Variants in NRDC observed in about 807,000 individuals in gnomAD.
The protein encoded by NRDC is nardilysin convertase.
A neutral mutation model predicts 147.1 loss-of-function variants in NRDC; 54 were observed. That is an observed-to-expected ratio of 0.37 (90% CI 0.29 to 0.46). NRDC has a LOEUF of 0.46. Ranked by LOEUF, NRDC falls within the 20% of genes least tolerant of loss-of-function variation. NRDC has a pLI of 1.00. For synonymous variants in NRDC, 440 were observed against 482.1 expected, an observed-to-expected ratio of 0.91 and a Z score of 1.14; for missense variants, 1,082 against 1,370.6, an observed-to-expected ratio of 0.79 and a Z score of 3.33.
At chr1:51,847,058 G>T (rs1188429229) in intron 1 of NRDC, among the ~76,000 whole-genome samples, 3 of 152,012 alleles carry the variant, frequency 2.0e-5, no homozygotes, top group South Asian at 4.1e-4. Flanking sequence ...CAATCCTTTA[G>T]CTAGACATAA....
chr1:51,800,606 C>T lies in NRDC; in HGVS notation c.2391G>A (p.Gln797=). The T allele has an allele frequency of 1.2e-6, 2 of 1,614,078 alleles. No individual in the cohort carries two copies. The highest frequency in any genetic ancestry group is 1.7e-6 in the Non-Finnish European group (2 of 1,179,946). ...GGATGTTAAAGTAGGTCTTCTTCAA[C>T]TGCTCAGTTATCATTGTAAAGACAG... is the stretch of plus-strand genomic sequence containing the variant. ...TPAVFTMITE[Q]LKKTYFNILI... The change falls in exon 21 of 31, where the codon CAG becomes CAA. Residue 797 remains glutamine (Q), a synonymous_variant. Coordinates refer to ENST00000352171, the MANE Select transcript of NRDC (RefSeq NM_001101662.2).
chr1:51,796,345 T>C (rs1571839696), intron 22 of NRDC, among the ~76,000 whole-genome samples: 1 of 151,858 alleles, frequency 6.6e-6, no homozygotes, highest in African/African-American at 2.4e-5. Flanking sequence ...CTCAAGTGAT[T>C]CTTCTGCCTC....
intron 1 of NRDC, among the ~76,000 whole-genome samples, chr1:51,875,476 G>A (rs928468121): frequency 3.3e-5 from 5 of 152,148 alleles, no homozygotes; most frequent in East Asian, 3.8e-4. Context: ...TTTCTCCCCC[G>A]GTGGAATTTA....
At chr1:51,835,045 C>T (rs1322833639) in intron 3 of NRDC, among the ~76,000 whole-genome samples, 1 of 151,928 alleles carries the variant, frequency 6.6e-6, no homozygotes, top group African/African-American at 2.4e-5. Flanking sequence ...TATATAACAT[C>T]CACATAGAGT....
chr1:51,854,135 C>T (rs1682121152), intron 1 of NRDC, among the ~76,000 whole-genome samples: 1 of 152,040 alleles, frequency 6.6e-6, no homozygotes, highest in Non-Finnish European at 1.5e-5. Context: ...TTTGGGAGGC[C>T]GAGGCGGGTG....
At chr1:51,865,651 G>A (rs113035005) in intron 1 of NRDC, among the ~76,000 whole-genome samples, 2,322 of 152,074 alleles carry the variant, frequency 0.015, 64 homozygotes, top group African/African-American at 0.053. Flanking sequence ...TGAATTCAGT[G>A]GTATTCACAA....
intron 1 of NRDC, among the ~76,000 whole-genome samples, chr1:51,851,651 T>G (rs918382994): frequency 6.6e-6 from 1 of 152,170 alleles, no homozygotes; most frequent in East Asian, 1.9e-4. Flanking sequence ...ACTGGACCCC[T>G]AAATTTTAAA....
intron 4 of NRDC, among the ~76,000 whole-genome samples, chr1:51,830,227 T>A (rs1433680407): frequency 6.6e-6 from 1 of 152,164 alleles, no homozygotes; most frequent in Admixed American, 6.5e-5. Flanking sequence ...CCTCCCAAAG[T>A]GCTGAGATTA....
chr1:51,878,429 G>C lies in NRDC; in HGVS notation c.187C>G (p.Pro63Ala). 3.7e-6 allele frequency: 6 copies of C among 1,614,050 alleles called. No homozygotes were observed. The highest frequency in any genetic ancestry group is 3.4e-6 in the Non-Finnish European group (4 of 1,180,036). ...TCCTGTCCATTGGGCTGCAGGTCAGGGCAGCTGCAGGTAGACTTCGCCTTG... is the reference window on the plus strand; with the variant it reads ...TCCTGTCCATTGGGCTGCAGGTCAGCGCAGCTGCAGGTAGACTTCGCCTTG... Reference protein sequence around the residue: ...RNKAKSTCSCPDLQPNGQDLG... With the variant: ...RNKAKSTCSCADLQPNGQDLG... The change falls in exon 1 of 31, where the codon CCT becomes GCT. Residue 63 changes from proline to alanine, a missense_variant. Transcript: ENST00000352171.
intron 1 of NRDC, among the ~76,000 whole-genome samples, chr1:51,847,715 C>T (rs1230598891): frequency 2.0e-5 from 3 of 152,218 alleles, no homozygotes; most frequent in African/African-American, 4.8e-5. Context: ...CTCACAAGCC[C>T]CTCGTGCAAC....
At chr1:51,819,733 C>T in intron 9 of NRDC, 67 bp downstream of exon 9, 5 of 1,300,476 alleles carry the variant, frequency 3.8e-6, no homozygotes, top group Non-Finnish European at 5.4e-6. Context: ...AAATTGGCAG[C>T]TTCAATTAGG....
chr1:51,794,972 T>C, intron 22 of NRDC, 118 bp from the exon 23 acceptor site: 2 of 1,554,128 alleles, frequency 1.3e-6, no homozygotes, highest in Non-Finnish European at 1.7e-6. Context: ...GGAAAGCAGA[T>C]ATAGTTGGTG....
chr1:51,791,871 C>T (rs1318304770), intron 26 of NRDC, among the ~76,000 whole-genome samples, 175 bp downstream of exon 26: 2 of 152,188 alleles, frequency 1.3e-5, no homozygotes, highest in Admixed American at 6.5e-5. Context: ...CTTGACCAAA[C>T]TGAAAACCTG....
intron 21 of NRDC, chr1:51,798,921 T>C (rs1021629031): frequency 1.3e-5 from 2 of 152,480 alleles, no homozygotes; most frequent in Admixed American, 6.5e-5. Flanking sequence ...ACATCTATGA[T>C]TCAATTTCTT....
rs1327504444 is a variant in NRDC at position 51,814,582 on chromosome 1, T to C, written c.1588A>G (p.Lys530Glu). The C allele has an allele frequency of 5.6e-6, 9 of 1,613,578 alleles. No individual in the cohort carries two copies. Among genetic ancestry groups the C allele is most frequent in the Non-Finnish European group, 7.6e-6 (9 of 1,179,654 alleles). Residue 530 changes from lysine (K) to glutamate (E), a missense_variant, in exon 13 of 31, where the codon AAA becomes GAA. Around this residue, in one of 3 missense-constraint regions of NRDC, gnomAD observed 635 missense variants for 923.8 expected, o/e 0.69. Coordinates refer to ENST00000352171, the MANE Select transcript of NRDC (RefSeq NM_001101662.2). ...EVAYTVFQYLKMLQKLGPEKR... is the reference protein window; with the variant it reads ...EVAYTVFQYLEMLQKLGPEKR... ...TCTGGGCCTAGCTTCTGCAGCATTT[T>C]TAAATACTGAAAGACAGTGTAAGCA...
chr1:51,873,598 C>T (rs1323466306), intron 1 of NRDC, among the ~76,000 whole-genome samples: 1 of 151,668 alleles, frequency 6.6e-6, no homozygotes, highest in African/African-American at 2.4e-5. Context: ...GCAACCTCTG[C>T]CTCCCAAGTT....
chr1:51,843,311 TA>T (rs11326967), intron 1 of NRDC, among the ~76,000 whole-genome samples: 120,321 of 139,510 alleles, frequency 0.86, 51,983 homozygotes, highest in East Asian at 0.94. Context: ...CAAAAAAGGT[TA>T]AAAAAAAAAA....
intron 4 of NRDC, among the ~76,000 whole-genome samples, chr1:51,830,783 C>T (rs780311606): frequency 1.2e-4 from 18 of 152,176 alleles, no homozygotes; most frequent in African/African-American, 2.2e-4. Context: ...ATGGTAAAGA[C>T]GGCTTCCATG....
intron 1 of NRDC, among the ~76,000 whole-genome samples, chr1:51,852,589 TTTATATA>T (rs1054692815): frequency 7.8e-6 from 1 of 127,792 alleles, no homozygotes; most frequent in Non-Finnish European, 1.6e-5. Flanking sequence ...TTTTAATAGT[TTTATATA>T]TAGTTTTTTA....
Sources: gnomAD v4.1 joint callset for allele counts (sites outside exome capture counted in the v4.1 genomes callset) on GRCh38, gnomAD v4.1.1 for gene constraint, gnomAD v4.1.1 regional missense constraint, MANE v1.5 for transcripts, NCBI Gene and HGNC (gene_info 2026-07-23, HGNC 2026-07-21) for gene names.